Variants in WDFY3 observed in about 807,000 individuals in gnomAD.
WDFY3 encodes WD repeat and FYVE domain containing 3.
In WDFY3, 66 loss-of-function variants were observed where a neutral mutation model predicts 409.6. The observed-to-expected ratio is 0.16, with a 90% CI of 0.13 to 0.20. The LOEUF is 0.20. WDFY3 is among the 10% of genes least tolerant of loss of function. The pLI, the probability that WDFY3 is intolerant of heterozygous loss-of-function variation, is 1.00. For synonymous variants in WDFY3, 1,521 were observed against 1,537.1 expected, an observed-to-expected ratio of 0.99 and a Z score of 0.25; for missense variants, 3,031 against 4,298.1, an observed-to-expected ratio of 0.71 and a Z score of 8.24.
intron 58 of WDFY3, among the ~76,000 whole-genome samples, chr4:84,695,687 T>A (rs1388335775): frequency 2.6e-5 from 4 of 152,176 alleles, no homozygotes; most frequent in Admixed American, 6.5e-5. Flanking sequence ...TCTCTGTGTA[T>A]GTGGCCTATA....
chr4:84,672,779 C>A lies in WDFY3; in HGVS notation c.*89G>T. ...CACGTGGTATGAAGAGATGTGTAAA[C>A]GGAGACTGTTTTCAATGCCTTCCAA... On this transcript the variant is annotated 3_prime_UTR_variant, in exon 68 of 68. Coordinates refer to ENST00000295888, the MANE Select transcript of WDFY3 (RefSeq NM_014991.6). 6.5e-7 allele frequency: 1 copy of A among 1,548,536 alleles called. No individual in the cohort carries two copies. The highest frequency in any genetic ancestry group is 8.7e-7 in the Non-Finnish European group (1 of 1,144,352).
At chr4:84,786,191 A>G in intron 23 of WDFY3, 52 bp from the exon 24 acceptor site, 1 of 1,515,836 alleles carries the variant, frequency 6.6e-7, no homozygotes, top group Middle Eastern at 1.8e-4. Context: ...CTCATCTTAA[A>G]GTAAGTTTTT....
chr4:84,857,761 C>G (rs1349026954), intron 4 of WDFY3, among the ~76,000 whole-genome samples: 2 of 152,132 alleles, frequency 1.3e-5, no homozygotes, highest in Admixed American at 6.5e-5. Context: ...AGCAGATAAT[C>G]TATCCTATTA....
At chr4:84,792,054 T>C (rs1748626741) in intron 21 of WDFY3, among the ~76,000 whole-genome samples, 1 of 152,192 alleles carries the variant, frequency 6.6e-6, no homozygotes, top group Admixed American at 6.6e-5. Context: ...GCAGATCCAG[T>C]ATTTTTCACT....
chr4:84,803,233 C>T (rs1345771974), intron 16 of WDFY3, 57 bp downstream of exon 16: 34 of 1,510,590 alleles, frequency 2.3e-5, no homozygotes, highest in Non-Finnish European at 2.8e-5. Context: ...TAATCATACT[C>T]ACATCCTTTC....
At chr4:84,788,786 G>A (rs980004631) in intron 22 of WDFY3, among the ~76,000 whole-genome samples, 7 of 152,154 alleles carry the variant, frequency 4.6e-5, no homozygotes, top group African/African-American at 7.2e-5. Context: ...TTGGGAGGCC[G>A]AGGCATGAGG....
At position 84,677,074 on chromosome 4, in the gene WDFY3, G is replaced by T; in HGVS notation, c.10457+125C>A. 4 of 1,088,402 alleles carry T rather than the reference G, an allele frequency of 3.7e-6. 1 individual carries two copies. In the South Asian group the frequency reaches 7.0e-5, roughly 19 times the overall value. The allele number at this position is 1,088,402 out of a possible 1,614,324, so 67.4% of individuals were successfully genotyped here. On this transcript the variant is annotated intron_variant, in intron 67 of 67. Coordinates refer to ENST00000295888, the MANE Select transcript of WDFY3 (RefSeq NM_014991.6). ...AAGAAGAACAGAAAAAGTGAAGACT[G>T]GTTCATACCAACAAGGCATACTGTA...
At chr4:84,708,775 A>G in intron 53 of WDFY3, 134 bp downstream of exon 53, 1 of 918,032 alleles carries the variant, frequency 1.1e-6, no homozygotes, top group Non-Finnish European at 1.6e-6. Flanking sequence ...TCCTGGGCTC[A>G]AGTGATTCGC....
In WDFY3 at chr4:84,683,860, GTTC is replaced by G. The variant is rs553770310; in HGVS notation, c.9726+80_9726+82del. The G allele has an allele frequency of 5.2e-5, 74 of 1,422,018 alleles. No homozygotes were observed. In the African/African-American group the frequency reaches 9.7e-4, roughly 19 times the overall value. The allele number at this position is 1,422,018 out of a possible 1,614,324, so 88.1% of individuals were successfully genotyped here. On this transcript the variant is annotated intron_variant, in intron 63 of 67. Transcript: ENST00000295888. ...ACTAAACATTACAACTTGTTCAGGT[GTTC>G]TTAACCTGTAATTAGCTACAAGTTT...
At position 84,726,872 on chromosome 4, in the gene WDFY3, T is replaced by C; in HGVS notation, c.7261A>G (p.Ile2421Val). The C allele has an allele frequency of 6.2e-7, 1 of 1,608,000 alleles. No homozygotes were observed. Among genetic ancestry groups the C allele is most frequent in the Non-Finnish European group, 8.5e-7 (1 of 1,178,158 alleles). ...AATTTGTGTTTTACCTTTTGAGGAA[T>C]ATCATCGGGTGTCTCAGGCTGTTTA... is the stretch of plus-strand genomic sequence containing the variant. ...PSKQPETPDD[I>V]PQKKPARYRR... The change falls in exon 45 of 68, where the codon ATT (isoleucine) becomes GTT (valine). Residue 2421 changes from isoleucine to valine, a missense_variant. By Grantham distance (29) the Ile-to-Val change is conservative. This residue lies in a region of WDFY3 where 127 missense variants were observed against 144.4 expected (regional missense o/e 0.88). Transcript: ENST00000295888.
chr4:84,871,427 C>G (rs928428640), intron 3 of WDFY3, among the ~76,000 whole-genome samples: 1 of 152,036 alleles, frequency 6.6e-6, no homozygotes, highest in Non-Finnish European at 1.5e-5. Context: ...TAAAATTATC[C>G]TTCAAAAATG....
At chr4:84,778,867 A>T (rs1319246453) in intron 26 of WDFY3, among the ~76,000 whole-genome samples, 1 of 152,238 alleles carries the variant, frequency 6.6e-6, no homozygotes, top group Non-Finnish European at 1.5e-5. Context: ...TCTGAAAAAC[A>T]AAGGGATCTT....
chr4:84,903,818 A>G (rs552528040), intron 2 of WDFY3, among the ~76,000 whole-genome samples: 2 of 152,224 alleles, frequency 1.3e-5, no homozygotes, highest in Admixed American at 6.5e-5. Flanking sequence ...TATTTAAGAC[A>G]CTACGCTATA....
intron 3 of WDFY3, among the ~76,000 whole-genome samples, chr4:84,866,480 C>T (rs1761409005): frequency 2.0e-5 from 3 of 152,238 alleles, no homozygotes; most frequent in African/African-American, 7.2e-5. Flanking sequence ...ATCTCCCTAA[C>T]CCTCCCCTTT....
In WDFY3 at chr4:84,778,782, C is replaced by T. The variant is rs147720041; in HGVS notation, c.4366-127G>A. The T allele has an allele frequency of 6.1e-4, 472 of 779,646 alleles. 1 individual carries two copies. In the African/African-American group the frequency reaches 7.9e-3, roughly 13 times the overall value. 48.3% of individuals were successfully genotyped at this position (779,646 alleles called of 1,614,324 possible). On this transcript the variant is annotated intron_variant, in intron 26 of 67. Coordinates refer to ENST00000295888, the MANE Select transcript of WDFY3 (RefSeq NM_014991.6). ...ACAAACACACACATACACACAGAAT[C>T]CTATGTAGATGATTTTCTGAGATTA... is the stretch of plus-strand genomic sequence containing the variant.
At chr4:84,791,609 T>C (rs964418881) in intron 21 of WDFY3, among the ~76,000 whole-genome samples, 10 of 151,998 alleles carry the variant, frequency 6.6e-5, no homozygotes, top group Non-Finnish European at 1.5e-4. Flanking sequence ...CCGAGAAAAA[T>C]GTAAAGTTTA....
intron 24 of WDFY3, 46 bp downstream of exon 24, chr4:84,785,932 TC>T (rs1747469074): frequency 1.2e-6 from 2 of 1,601,628 alleles, no homozygotes; most frequent in African/African-American, 1.3e-5. Context: ...TGAGACATGT[TC>T]CCAGTGAGAA....
Position 84,679,001 on chromosome 4 carries a change from C to G in WDFY3, c.10065G>C (p.Gln3355His). 6.2e-7 allele frequency: 1 copy of G among 1,614,244 alleles called. No homozygotes were observed. The highest frequency in any genetic ancestry group is 8.5e-7 in the Non-Finnish European group (1 of 1,180,050). ...GGGGGCCCTGCAGATGGGCTCTGGT[C>G]TGGCCCTCTGAATAGTTCACAAATA... The part of the protein sequence containing the change: ...GFIFVNYSEG[Q>H]TRAHLQGPLS... The change falls in exon 65 of 68, where the codon CAG (glutamine) becomes CAC (histidine). Residue 3355 changes from glutamine to histidine, a missense_variant. By Grantham distance (24) the Gln-to-His change is conservative. Around this residue, in one of 16 missense-constraint regions of WDFY3, gnomAD observed 378 missense variants for 477.3 expected, o/e 0.79. Transcript: ENST00000295888.
At chr4:84,889,221 A>T (rs1243935787) in intron 3 of WDFY3, among the ~76,000 whole-genome samples, 5 of 152,190 alleles carry the variant, frequency 3.3e-5, no homozygotes, top group African/African-American at 7.2e-5. Context: ...TCCAGTGAAT[A>T]TTGTGCTTGA....
Sources: gnomAD v4.1 joint callset for allele counts (sites outside exome capture counted in the v4.1 genomes callset) on GRCh38, gnomAD v4.1.1 for gene constraint, gnomAD v4.1.1 regional missense constraint, MANE v1.5 for transcripts, NCBI Gene and HGNC (gene_info 2026-07-23, HGNC 2026-07-21) for gene names.